AHCY: variants seen among roughly 807,000 people sequenced by gnomAD.
AHCY encodes the protein adenosylhomocysteinase.
AHCY carries 24 observed loss-of-function variants against 45.4 expected under a neutral mutation model. The ratio of observed to expected loss-of-function variants is 0.53; its 90% confidence interval spans 0.38 to 0.74. The LOEUF (loss-of-function observed/expected upper bound fraction) is 0.74, where lower values mean the gene tolerates loss of function less well. Ranked by LOEUF, AHCY falls within the 30% of genes least tolerant of loss-of-function variation. The probability of loss-of-function intolerance (pLI) is 0.00; values close to 1 mark genes in which losing one functional copy is unlikely to be tolerated. For synonymous variants in AHCY, 245 were observed against 235.1 expected, an observed-to-expected ratio of 1.04 and a Z score of -0.39; for missense variants, 449 against 594.1, an observed-to-expected ratio of 0.76 and a Z score of 2.54.
intron 8 of AHCY, among the ~76,000 whole-genome samples, chr20:34,289,270 T>C (rs1008596190): frequency 1.3e-5 from 2 of 152,022 alleles, no homozygotes; most frequent in Non-Finnish European, 2.9e-5. Flanking sequence ...ATCTCCCGGG[T>C]TCATGTGATT....
Position 34,290,518 on chromosome 20 carries a change from C to G in AHCY, c.854+33G>C. The G allele has an allele frequency of 6.2e-7, 1 of 1,613,996 alleles. No individual in the cohort carries two copies. The highest frequency in any genetic ancestry group is 8.5e-7 in the Non-Finnish European group (1 of 1,179,858). ...AGCTGTCCCAACTCTGCCCTCCTCCCTCACTCCCCGGGACCCCCCATCTGG... is the reference window on the plus strand; with the variant it reads ...AGCTGTCCCAACTCTGCCCTCCTCCGTCACTCCCCGGGACCCCCCATCTGG... On this transcript the variant is annotated intron_variant, in intron 7 of 9. Transcript: ENST00000217426. The surrounding 1 kb of genome is among the most constrained non-coding windows in gnomAD (Gnocchi z 4.5).
At chr20:34,305,591 G>A (rs2036887641), upstream of AHCY, among the ~76,000 whole-genome samples, 2 of 152,132 alleles carry the variant, frequency 1.3e-5, no homozygotes, top group Non-Finnish European at 2.9e-5. Flanking sequence ...GTTGTCCTAC[G>A]AGAACAGAAA....
chr20:34,251,310 G>A, the AHCY span, among the ~76,000 whole-genome samples: 17,480 of 150,432 alleles, frequency 0.12, 1,089 homozygotes, highest in East Asian at 0.22. Flanking sequence ...TCGCTCCGTC[G>A]CCCAGGCTGG....
At chr20:34,244,741 T>A in the AHCY span, among the ~76,000 whole-genome samples, 1 of 152,212 alleles carries the variant, frequency 6.6e-6, no homozygotes, top group South Asian at 2.1e-4. Context: ...CATTCATGGT[T>A]TTAAGGCTTT....
Position 34,290,198 on chromosome 20 carries a change from G to T in AHCY, c.972+134C>A. The T allele has an allele frequency of 1.1e-6, 1 of 885,390 alleles. No individual in the cohort carries two copies. The highest frequency in any genetic ancestry group is 1.6e-5 in the African/African-American group (1 of 61,266). The allele number at this position is 885,390 out of a possible 1,614,324, so 54.8% of individuals were successfully genotyped here. On this transcript the variant is annotated intron_variant, in intron 8 of 9. Transcript: ENST00000217426. This position sits in a 1 kb window ranked among gnomAD's most constrained non-coding sequence, Gnocchi z 4.5. ...AGGATAAGGTTGCCACGTCTGGCTGGCTCTGATGCTAGGCCCTCTTCTCCC... is the reference window on the plus strand; with the variant it reads ...AGGATAAGGTTGCCACGTCTGGCTGTCTCTGATGCTAGGCCCTCTTCTCCC...
At chr20:34,301,027 A>G (rs1006525945) in intron 1 of AHCY, among the ~76,000 whole-genome samples, 1 of 152,214 alleles carries the variant, frequency 6.6e-6, no homozygotes, top group Admixed American at 6.5e-5. Context: ...ACTGAATGAA[A>G]GATCCATGAG....
chr20:34,283,228 G>A (rs966395005), intron 9 of AHCY, among the ~76,000 whole-genome samples: 8 of 152,018 alleles, frequency 5.3e-5, no homozygotes, highest in Admixed American at 1.3e-4. Context: ...TGTGTGTCAC[G>A]TCCTAAGGTC....
the AHCY span, among the ~76,000 whole-genome samples, chr20:34,250,334 TAAAC>T: frequency 6.6e-6 from 1 of 152,142 alleles, no homozygotes; most frequent in Non-Finnish European, 1.5e-5. Context: ...GAAGACTACT[TAAAC>T]AAACAAACAA....
intron 4 of AHCY, 146 bp from the exon 5 acceptor site, chr20:34,291,677 C>G (rs1272206909): frequency 9.2e-6 from 7 of 764,188 alleles, no homozygotes; most frequent in Non-Finnish European, 1.6e-5. Flanking sequence ...CCCAGACCCG[C>G]GTGAGGGAGG....
intron 1 of AHCY, among the ~76,000 whole-genome samples, chr20:34,301,146 T>C (rs1263170141): frequency 2.0e-5 from 3 of 152,160 alleles, no homozygotes; most frequent in Admixed American, 1.3e-4. Flanking sequence ...AGGAGTTTGC[T>C]GCAGGTTCCA....
chr20:34,302,911 C>A (rs1351376602), intron 1 of AHCY: 4 of 985,350 alleles, frequency 4.1e-6, no homozygotes, highest in African/African-American at 1.7e-5. Flanking sequence ...GCGCAGGCCC[C>A]CCGAGCAGGG....
Position 34,290,937 on chromosome 20 carries a change from C to T in AHCY, c.560G>A (p.Ser187Asn), listed in dbSNP as rs1176293981. The change falls in exon 6 of 10, where the codon AGC becomes AAC. Residue 187 changes from serine to asparagine, a missense_variant and splice_region_variant. Ser to Asn is a conservative substitution (Grantham distance 46). Transcript: ENST00000217426. This position sits in a 1 kb window ranked among gnomAD's most constrained non-coding sequence, Gnocchi z 4.5. ...AINVNDSVTK[S>N]KFDNLYGCRE... is the part of the protein sequence containing the mutation. The stretch of plus-strand genomic sequence containing the variant: ...GCAGCCATAGAGGTTGTCAAACTTG[C>T]TCTGAAAGGAAAGGGGGTAAGGAGA... 5.6e-6 allele frequency: 9 copies of T among 1,613,948 alleles called. No individual in the cohort carries two copies. The highest frequency in any genetic ancestry group is 5.0e-5 in the Admixed American group (3 of 59,998).
chr20:34,263,513 T>C, the AHCY span, among the ~76,000 whole-genome samples: 1 of 151,988 alleles, frequency 6.6e-6, no homozygotes, highest in South Asian at 2.1e-4. Flanking sequence ...TGCAGTGAGC[T>C]TGAGCCATTG....
rs1363332391 is a variant in AHCY at position 34,291,431 on chromosome 20, G to A, written c.546C>T (p.Asp182=). 2.5e-6 allele frequency: 4 copies of A among 1,613,906 alleles called. No homozygotes were observed. Among genetic ancestry groups the A allele is most frequent in the South Asian group, 1.1e-5 (1 of 91,092 alleles). The change falls in exon 5 of 10, where the codon GAC becomes GAT. Residue 182 remains aspartate, a synonymous_variant. Coordinates refer to ENST00000217426, the MANE Select transcript of AHCY (RefSeq NM_000687.4). ...CCCCTCGGCTCACCTTGGTGACGGA[G>A]TCATTGACATTGATGGCAGGCACCT... ...ILKVPAINVN[D]SVTKSKFDNL...
At position 34,295,480 on chromosome 20, in the gene AHCY, A is replaced by C. The variant is rs1445336414; in HGVS notation, c.134T>G (p.Leu45Arg). The change falls in exon 2 of 10, where the codon CTG (leucine) becomes CGG (arginine). Residue 45 changes from leucine (L) to arginine (R), a missense_variant. Leu to Arg is a moderately radical substitution (Grantham distance 102). Transcript: ENST00000217426. Reference protein sequence around the residue: ...MRERYSASKPLKGARIAGCLH... With the variant: ...MRERYSASKPRKGARIAGCLH... ...GCAGCCAGCGATGCGGGCGCCCTTC[A>C]GTGGCTTGGAGGCCGAGTACCGCTC... 6.2e-7 allele frequency: 1 copy of C among 1,614,058 alleles called. No individual in the cohort carries two copies. The highest frequency in any genetic ancestry group is 1.3e-5 in the African/African-American group (1 of 75,054).
the AHCY span, chr20:34,262,801 C>T: frequency 6.2e-7 from 1 of 1,613,178 alleles, no homozygotes; most frequent in Non-Finnish European, 8.5e-7. Flanking sequence ...CCAGAAACAT[C>T]TGACTTTGCT....
chr20:34,280,993 G>A lies in AHCY; in HGVS notation c.*41C>T, dbSNP rs752298698. The A allele has an allele frequency of 7.2e-5, 116 of 1,613,064 alleles. No individual in the cohort carries two copies. Among genetic ancestry groups the A allele is most frequent in the Non-Finnish European group, 9.7e-5 (115 of 1,179,760 alleles). On this transcript the variant is annotated 3_prime_UTR_variant, in exon 10 of 10. Coordinates refer to ENST00000217426, the MANE Select transcript of AHCY (RefSeq NM_000687.4). ...TCTTAGGGAGGAGAGGTGGGGCCTG[G>A]GCAAGGACAGCAGCTGGAGGGTGAA...
the AHCY span, among the ~76,000 whole-genome samples, chr20:34,245,163 G>A: frequency 2.0e-5 from 3 of 151,456 alleles, no homozygotes; most frequent in Non-Finnish European, 4.4e-5. Flanking sequence ...ATGAAACCCC[G>A]TCGCTACTAA....
the AHCY span, among the ~76,000 whole-genome samples, chr20:34,258,724 AATAT>A: frequency 4.0e-5 from 2 of 50,586 alleles, no homozygotes; most frequent in Non-Finnish European, 8.5e-5. Flanking sequence ...TATATTATAA[AATAT>A]ATATAGTATA....
Sources: gnomAD v4.1 joint callset for allele counts (sites outside exome capture counted in the v4.1 genomes callset) on GRCh38, gnomAD v4.1.1 for gene constraint, Gnocchi (gnomAD v3.1) non-coding constraint, MANE v1.5 for transcripts, NCBI Gene and HGNC (gene_info 2026-07-23, HGNC 2026-07-21) for gene names.